The following ADAMTS8 variants were observed in gnomAD, a reference collection of about 807,000 sequenced individuals.
The protein encoded by ADAMTS8 is A disintegrin and metalloproteinase with thrombospondin motifs 8.
Under a neutral mutation model 64.4 loss-of-function variants are expected in ADAMTS8, and 50 were observed. That is an observed-to-expected ratio of 0.78 (90% CI 0.62 to 0.98). ADAMTS8 has a LOEUF of 0.98. Among genes scored for constraint, ADAMTS8 ranks in the 50% least tolerant of loss-of-function variants. The pLI is 0.00. For missense variants in ADAMTS8, 1,192 were observed against 1,208.2 expected (o/e 0.99, Z 0.20); for synonymous variants, 556 against 533.6 (o/e 1.04, Z -0.58).
At chr11:130,409,354 T>G (rs1406669600) in intron 6 of ADAMTS8, among the ~76,000 whole-genome samples, 2 of 152,174 alleles carry the variant, frequency 1.3e-5, no homozygotes, top group Non-Finnish European at 2.9e-5. Context: ...CAAAGACTCC[T>G]AAATCTACAT....
intron 5 of ADAMTS8, among the ~76,000 whole-genome samples, chr11:130,412,729 G>T (rs1333698812): frequency 4.6e-5 from 7 of 152,136 alleles, no homozygotes. Context: ...CCATTAACAT[G>T]ATTTTCACCA....
intron 5 of ADAMTS8, among the ~76,000 whole-genome samples, chr11:130,412,722 T>C (rs1045404461): frequency 2.0e-5 from 3 of 152,174 alleles, no homozygotes; most frequent in African/African-American, 7.2e-5. Flanking sequence ...GATAAAACCA[T>C]TAACATGATT....
intron 4 of ADAMTS8, among the ~76,000 whole-genome samples, chr11:130,415,125 C>T (rs1242927057): frequency 6.6e-6 from 1 of 152,220 alleles, no homozygotes; most frequent in Non-Finnish European, 1.5e-5. Context: ...ATCCATATCA[C>T]AACCTAACCG....
chr11:130,414,832 C>T lies in ADAMTS8; in HGVS notation c.1265G>A (p.Gly422Glu), dbSNP rs746924491. 48 of 1,603,334 alleles carry T rather than the reference C, an allele frequency of 3.0e-5. No homozygotes were observed. Among genetic ancestry groups the T allele is most frequent in the African/African-American group, 1.5e-4 (11 of 74,676 alleles). ...YLTELLDGGH[G>E]DCLLDAPAAA... The stretch of plus-strand genomic sequence containing the variant: ...AGCAGGGGCATCCAGGAGACAGTCT[C>T]CTGGGAAAAGAGGAAGCAGGGGTGT... The change falls in exon 5 of 9, where the codon GGA (glycine) becomes GAA (glutamate). Residue 422 changes from glycine to glutamate, a missense_variant and splice_region_variant. By Grantham distance (98) the Gly-to-Glu change is moderately conservative (BLOSUM62 -2). Transcript: ENST00000257359.
intron 1 of ADAMTS8, among the ~76,000 whole-genome samples, chr11:130,419,748 C>G (rs1306604811): frequency 6.6e-6 from 1 of 152,206 alleles, no homozygotes; most frequent in Non-Finnish European, 1.5e-5. Flanking sequence ...AATCCTGACA[C>G]CGTCTCCTTG....
chr11:130,414,476 A>G (rs1019864753), intron 5 of ADAMTS8, 55 bp downstream of exon 5: 63 of 1,527,012 alleles, frequency 4.1e-5, no homozygotes, highest in Non-Finnish European at 5.3e-5. Context: ...AGTCCTCCCC[A>G]TTTCCTTTTG....
Position 130,416,921 on chromosome 11 carries a change from T to C in ADAMTS8, c.1096+19A>G, listed in dbSNP as rs1467423624. 1 of 1,613,986 alleles carries C rather than the reference T, an allele frequency of 6.2e-7. No individual in the cohort carries two copies. The highest frequency in any genetic ancestry group is 1.1e-5 in the South Asian group (1 of 91,088). ...TCCCTCCGATGTGGTGAAGTGGGCT[T>C]TGGCACAGCAAATCTTACCTAGTTC... is the stretch of plus-strand genomic sequence containing the variant. On this transcript the variant is annotated intron_variant, in intron 3 of 8. Coordinates refer to ENST00000257359, the MANE Select transcript of ADAMTS8 (RefSeq NM_007037.6). This position sits in a 1 kb window ranked among gnomAD's most constrained non-coding sequence, Gnocchi z 4.8.
intron 1 of ADAMTS8, among the ~76,000 whole-genome samples, chr11:130,425,751 C>A (rs867572783): frequency 1.2e-4 from 19 of 152,110 alleles, no homozygotes; most frequent in East Asian, 3.9e-4. Flanking sequence ...CAGGCGCCCA[C>A]CACCACGCCT....
rs377662947 is a variant in ADAMTS8, at chr11:130,411,437, G to A, written c.1730C>T (p.Thr577Met). 101 of 1,613,950 alleles carry A rather than the reference G, an allele frequency of 6.3e-5. 2 individuals carry two copies. The Middle Eastern group carries it at 2.1e-3, about 34-fold the overall frequency. ...ATTACCGTCAGGGGGGCATTCCTCC[G>A]TGTGGCATGACTGGTACTTGGCTCT... is the stretch of plus-strand genomic sequence containing the variant. ...GRRAKYQSCH[T>M]EECPPDGKSF... The change falls in exon 6 of 9, where the codon ACG becomes ATG. Residue 577 changes from threonine (T) to methionine (M), a missense_variant. By Grantham distance (81) the Thr-to-Met change is moderately conservative. Transcript: ENST00000257359. The surrounding 1 kb of genome is among the most constrained non-coding windows in gnomAD (Gnocchi z 4.2).
In ADAMTS8 at chr11:130,427,689, C is replaced by T. The variant is rs772968405; in HGVS notation, c.598G>A (p.Glu200Lys). The part of the protein sequence containing the change: ...SQEEEAEGAS[E>K]PPPPLGATSR... The stretch of plus-strand genomic sequence containing the variant: ...GTGGCCCCCAGGGGCGGTGGCGGCT[C>T]GCTAGCGCCTTCTGCCTCCTCTTCT... Residue 200 changes from glutamate to lysine, a missense_variant, in exon 1 of 9, where the codon GAG becomes AAG. Physicochemically the swap from Glu to Lys is moderately conservative, Grantham distance 56. Coordinates refer to ENST00000257359, the MANE Select transcript of ADAMTS8 (RefSeq NM_007037.6). 3.6e-5 allele frequency: 58 copies of T among 1,595,664 alleles called. 2 individuals carry two copies. The South Asian group carries it at 3.7e-4, about 10-fold the overall frequency.
At chr11:130,406,904 G>A (rs1352688342) in intron 8 of ADAMTS8, among the ~76,000 whole-genome samples, 3 of 152,070 alleles carry the variant, frequency 2.0e-5, no homozygotes, top group Non-Finnish European at 4.4e-5. Flanking sequence ...TGGTCAGGCG[G>A]GCTTTTTGCT....
At chr11:130,421,541 A>G (rs1050251450) in intron 1 of ADAMTS8, among the ~76,000 whole-genome samples, 1 of 152,130 alleles carries the variant, frequency 6.6e-6, no homozygotes, top group African/African-American at 2.4e-5. Flanking sequence ...GGCTAGGAGG[A>G]TTCTGTGGTC....
In ADAMTS8 at chr11:130,411,025, G is replaced by A. The variant is rs1338030369; in HGVS notation, c.1750+392C>T. 2.6e-5 allele frequency among the ~76,000 whole-genome samples: 4 copies of A among 152,160 alleles called. No homozygotes were observed. Among genetic ancestry groups the A allele is most frequent in the Non-Finnish European group, 4.4e-5 (3 of 68,022 alleles). ...ATGCTTCCATTCTGCACACAGATGA[G>A]GGTTCCTATGCCTCCAGGAGGATTA... On this transcript the variant is annotated intron_variant, in intron 6 of 8. Transcript: ENST00000257359. This position sits in a 1 kb window ranked among gnomAD's most constrained non-coding sequence, Gnocchi z 4.2.
At position 130,428,372 on chromosome 11, in the gene ADAMTS8, C is replaced by G. The variant is rs1385903458; in HGVS notation, c.-86G>C. On this transcript the variant is annotated 5_prime_UTR_variant, in exon 1 of 9. Transcript: ENST00000257359. ...GCTGGCGGCCCGAGCGCGGCCCGGCCGCTCTCTCCAGGAAAAGCGGAATCA... is the reference window on the plus strand; with the variant it reads ...GCTGGCGGCCCGAGCGCGGCCCGGCGGCTCTCTCCAGGAAAAGCGGAATCA... The G allele has an allele frequency of 8.2e-7, 1 of 1,213,482 alleles. No homozygotes were observed. The allele number at this position is 1,213,482 out of a possible 1,614,324, so 75.2% of individuals were successfully genotyped here. A position where few individuals can be genotyped will look rare whatever the true frequency, so the allele number is the denominator to read the frequency against.
At chr11:130,422,503 G>T (rs1011910945) in intron 1 of ADAMTS8, among the ~76,000 whole-genome samples, 11 of 152,244 alleles carry the variant, frequency 7.2e-5, no homozygotes, top group Middle Eastern at 3.4e-3. Flanking sequence ...GGCGCGCCTG[G>T]GGGGAGGTCA....
chr11:130,413,723 T>C (rs951391826), intron 5 of ADAMTS8, among the ~76,000 whole-genome samples: 1 of 152,350 alleles, frequency 6.6e-6, no homozygotes, highest in Non-Finnish European at 1.5e-5. Flanking sequence ...CCTCTCCTCC[T>C]CTTTGAATAC....
chr11:130,427,095 A>C (rs1035993103), intron 1 of ADAMTS8, among the ~76,000 whole-genome samples: 3 of 152,240 alleles, frequency 2.0e-5, no homozygotes, highest in African/African-American at 4.8e-5. Context: ...AGGGAATCAG[A>C]CAGCCATCTC....
chr11:130,414,708 G>A lies in ADAMTS8; in HGVS notation c.1389C>T (p.Cys463=). The change falls in exon 5 of 9, where the codon TGC becomes TGT. Residue 463 remains cysteine (C), a synonymous_variant. Coordinates refer to ENST00000257359, the MANE Select transcript of ADAMTS8 (RefSeq NM_007037.6). ...AGACGTCCTGAGCAGAGGTGTTGGG[G>A]CAGTGGCGGAAATCCGGCCCAAAGA... is the stretch of plus-strand genomic sequence containing the variant. ...RQIFGPDFRH[C]PNTSAQDVCA... is the part of the protein sequence containing the mutation. 1 of 1,613,868 alleles carries A rather than the reference G, an allele frequency of 6.2e-7. No homozygotes were observed. The highest frequency in any genetic ancestry group is 1.3e-5 in the African/African-American group (1 of 75,082).
chr11:130,411,777 G>C lies in ADAMTS8; in HGVS notation c.1567-177C>G. The C allele has an allele frequency of 3.0e-6, 2 of 662,734 alleles. No homozygotes were observed. The highest frequency in any genetic ancestry group is 5.1e-6 in the Non-Finnish European group (2 of 392,930). 41.1% of individuals were successfully genotyped at this position (662,734 alleles called of 1,614,324 possible). A position where few individuals can be genotyped will look rare whatever the true frequency, so the allele number is the denominator to read the frequency against. On this transcript the variant is annotated intron_variant, in intron 5 of 8. Transcript: ENST00000257359. This position sits in a 1 kb window ranked among gnomAD's most constrained non-coding sequence, Gnocchi z 4.2. ...GACTGTGTGGCCTGCATGGCTTTGT[G>C]AGCACAGAGACCAGGCTGGACTCAT...
Sources: gnomAD v4.1 joint callset for allele counts (sites outside exome capture counted in the v4.1 genomes callset) on GRCh38, gnomAD v4.1.1 for gene constraint, Gnocchi (gnomAD v3.1) non-coding constraint, MANE v1.5 for transcripts, NCBI Gene and HGNC (gene_info 2026-07-23, HGNC 2026-07-21) for gene names.